The following SLC27A3 variants were observed in gnomAD, a reference collection of about 807,000 sequenced individuals.
The protein encoded by SLC27A3 is solute carrier family 27 member 3, also known as long-chain fatty acid transport protein 3.
In SLC27A3, 60 loss-of-function variants were observed where a neutral mutation model predicts 60.1. That is an observed-to-expected ratio of 1.00 (90% CI 0.81 to 1.24). The LOEUF (loss-of-function observed/expected upper bound fraction) is 1.24. Ranked by LOEUF, SLC27A3 falls within the 50% of genes most tolerant of loss-of-function variation. SLC27A3 has a pLI of 0.00. For synonymous variants in SLC27A3, 455 were observed against 409.0 expected (o/e 1.11, Z -1.36); for missense variants, 1,079 against 929.9 (o/e 1.16, Z -2.09).
chr1:153,776,977 T>C, intron 2 of SLC27A3, 85 bp from the exon 3 acceptor site: 1 of 1,465,956 alleles, frequency 6.8e-7, no homozygotes, highest in Non-Finnish European at 9.4e-7. Flanking sequence ...CCTCTTTCTG[T>C]GGGAAACCCA....
In SLC27A3 at chr1:153,775,868, A is replaced by G; in HGVS notation, c.371A>G (p.Glu124Gly). 6.7e-7 allele frequency: 1 copy of G among 1,492,934 alleles called. No homozygotes were observed. Among genetic ancestry groups the G allele is most frequent in the Non-Finnish European group, 8.9e-7 (1 of 1,127,134 alleles). The allele number at this position is 1,492,934 out of a possible 1,614,324, so 92.5% of individuals were successfully genotyped here. ...DWGPDGGDSG[E>G]GSAGEGERAA... ...GGACCCGACGGCGGCGACAGCGGCG[A>G]GGGGAGCGCTGGAGAAGGCGAGCGG... is the stretch of plus-strand genomic sequence containing the variant. The change falls in exon 1 of 10, where the codon GAG (glutamate) becomes GGG (glycine). Residue 124 changes from glutamate (E) to glycine (G), a missense_variant. Transcript: ENST00000624995.
In SLC27A3 at chr1:153,778,267, A is replaced by T. The variant is rs766668912; in HGVS notation, c.1268A>T (p.Glu423Val). The stretch of plus-strand genomic sequence containing the variant: ...CGCTTCGGGCCCCTGCAGGTGCTGG[A>T]GACATATGGACTGACAGAGGGCAAC... ...VRRFGPLQVLETYGLTEGNVA... is the reference protein window; with the variant it reads ...VRRFGPLQVLVTYGLTEGNVA... Residue 423 changes from glutamate (E) to valine (V), a missense_variant, in exon 5 of 10, where the codon GAG becomes GTG. By Grantham distance (121) the Glu-to-Val change is moderately radical. Transcript: ENST00000624995. 1.2e-6 allele frequency: 2 copies of T among 1,614,172 alleles called. No individual in the cohort carries two copies. The highest frequency in any genetic ancestry group is 4.5e-5 in the East Asian group (2 of 44,882).
rs2101845122 is a variant in SLC27A3, at chr1:153,777,069, C to T, written c.885C>T (p.Pro295=). 2 of 1,614,226 alleles carry T rather than the reference C, an allele frequency of 1.2e-6. No homozygotes were observed. Among genetic ancestry groups the T allele is most frequent in the East Asian group, 4.5e-5 (2 of 44,888 alleles). The change falls in exon 3 of 10, where the codon CCC becomes CCT. Residue 295 remains proline, a synonymous_variant. Transcript: ENST00000624995. ...ATAACTGCCACCCCACAGGCCTCCC[C>T]AAGGCTGCTCGGATCAGTCATCTGA... ...YIFTSGTTGL[P]KAARISHLKI... is the part of the protein sequence containing the mutation.
At chr1:153,778,981 G>T (rs1453847412) in intron 7 of SLC27A3, 96 bp downstream of exon 7, 2 of 1,465,820 alleles carry the variant, frequency 1.4e-6, no homozygotes, top group Non-Finnish European at 1.9e-6. Flanking sequence ...CTCAACCTGG[G>T]TCCTAAGCTA....
At position 153,775,418 on chromosome 1, in the gene SLC27A3, C is replaced by T. The variant is rs775008853; in HGVS notation, c.-80C>T. The T allele has an allele frequency of 8.7e-6, 14 of 1,611,578 alleles. No homozygotes were observed. Among genetic ancestry groups the T allele is most frequent in the Admixed American group, 1.7e-5 (1 of 60,012 alleles). Reference sequence around the variant, plus strand: ...GAGAAGTCTCAGCTAGAACGAGCGGCCCTAGGTTTTCGGAAGGGAGGATCA... The same window carrying T: ...GAGAAGTCTCAGCTAGAACGAGCGGTCCTAGGTTTTCGGAAGGGAGGATCA... On this transcript the variant is annotated 5_prime_UTR_variant, in exon 1 of 10. Transcript: ENST00000624995.
chr1:153,778,574 G>T, intron 6 of SLC27A3, 21 bp downstream of exon 6: 1 of 1,612,330 alleles, frequency 6.2e-7, no homozygotes, highest in Non-Finnish European at 8.5e-7. Context: ...TTCTGGTGGG[G>T]TGGGCGGGGT....
rs148055664 is a variant in SLC27A3 at position 153,779,441 on chromosome 1, C to T, written c.1843C>T (p.Pro615Ser). 136 of 1,613,934 alleles carry T rather than the reference C, an allele frequency of 8.4e-5. No individual in the cohort carries two copies. The African/African-American group carries it at 1.7e-3, about 20-fold the overall frequency. The change falls in exon 9 of 10, where the codon CCT becomes TCT. Residue 615 changes from proline to serine, a missense_variant. By Grantham distance (74) the Pro-to-Ser change is moderately conservative. Coordinates refer to ENST00000624995, the MANE Select transcript of SLC27A3 (RefSeq NM_024330.4). ...LYTHVSENLPPYARPRFLRLQ... is the reference protein window; with the variant it reads ...LYTHVSENLPSYARPRFLRLQ... ...CACCCACGTGTCTGAGAACTTGCCA[C>T]CTTATGCCCGGCCCCGATTCCTCAG...
intron 1 of SLC27A3, 155 bp from the exon 2 acceptor site, chr1:153,776,363 A>G: frequency 1.5e-6 from 2 of 1,331,418 alleles, no homozygotes; most frequent in Non-Finnish European, 2.0e-6. Context: ...AGGATCCCCA[A>G]GGAGTCGAGT....
rs141285059 is a variant in SLC27A3 at position 153,776,549 on chromosome 1, C to T, written c.699C>T (p.Pro233=). 90 of 1,614,142 alleles carry T rather than the reference C, an allele frequency of 5.6e-5. No homozygotes were observed. The African/African-American group carries it at 1.0e-3, about 18-fold the overall frequency. ...EFLESLEPDL[P]ALRAMGLHLW... Reference sequence around the variant, plus strand: ...TGGAGTCCCTGGAGCCGGACCTGCCCGCCCTGAGAGCCATGGGGCTCCACC... The same window carrying T: ...TGGAGTCCCTGGAGCCGGACCTGCCTGCCCTGAGAGCCATGGGGCTCCACC... Residue 233 remains proline, a synonymous_variant, in exon 2 of 10, where the codon CCC becomes CCT. Transcript: ENST00000624995.
Position 153,776,510 on chromosome 1 carries a change from C to G in SLC27A3, c.668-8C>G. ...GGGCCCCGGCGTTGTGCTTTCCCAC[C>G]CTTCTAGAGTTTCTGGAGTCCCTGG... On this transcript the variant is annotated splice_polypyrimidine_tract_variant and splice_region_variant and intron_variant, in intron 1 of 9. Coordinates refer to ENST00000624995, the MANE Select transcript of SLC27A3 (RefSeq NM_024330.4). 2.5e-6 allele frequency: 4 copies of G among 1,611,390 alleles called. No homozygotes were observed. The highest frequency in any genetic ancestry group is 3.4e-6 in the Non-Finnish European group (4 of 1,178,962).
At position 153,776,121 on chromosome 1, in the gene SLC27A3, C is replaced by T. The variant is rs1463060549; in HGVS notation, c.624C>T (p.His208=). ...CCCTGCGCCGGGGCCCCCTGCTGCA[C>T]TGCCTCCGCAGCTGCGGCGCGCGCG... ...PTALRRGPLL[H]CLRSCGARAL... Residue 208 remains histidine, a synonymous_variant, in exon 1 of 10, where the codon CAC becomes CAT. Transcript: ENST00000624995. The T allele has an allele frequency of 2.7e-6, 4 of 1,462,882 alleles. No individual in the cohort carries two copies. Among genetic ancestry groups the T allele is most frequent in the Non-Finnish European group, 2.7e-6 (3 of 1,121,454 alleles). The allele number at this position is 1,462,882 out of a possible 1,614,324, so 90.6% of individuals were successfully genotyped here. A position where few individuals can be genotyped will look rare whatever the true frequency, so the allele number is the denominator to read the frequency against.
At chr1:153,778,111 G>A (rs980111441) in intron 4 of SLC27A3, 50 bp from the exon 5 acceptor site, 9 of 1,562,658 alleles carry the variant, frequency 5.8e-6, no homozygotes, top group African/African-American at 1.4e-5. Flanking sequence ...TCACTTCCGG[G>A]AGCGGGCATC....
chr1:153,780,068 G>A lies in SLC27A3; in HGVS notation c.*66G>A, dbSNP rs1673463423. The A allele has an allele frequency of 2.1e-6, 3 of 1,418,496 alleles. No homozygotes were observed. Among genetic ancestry groups the A allele is most frequent in the South Asian group, 2.5e-5 (2 of 78,902 alleles). 87.9% of individuals were successfully genotyped at this position (1,418,496 alleles called of 1,614,324 possible). A position where few individuals can be genotyped will look rare whatever the true frequency, so the allele number is the denominator to read the frequency against. Reference sequence around the variant, plus strand: ...GGGTGGGGGCCGTTGCAGGTGTACTGGGCTGTCAGGGATCTTTTCTATACC... The same window carrying A: ...GGGTGGGGGCCGTTGCAGGTGTACTAGGCTGTCAGGGATCTTTTCTATACC... On this transcript the variant is annotated 3_prime_UTR_variant, in exon 10 of 10. Coordinates refer to ENST00000624995, the MANE Select transcript of SLC27A3 (RefSeq NM_024330.4).
chr1:153,779,677 C>T (rs1337732952), intron 9 of SLC27A3, 149 bp from the exon 10 acceptor site: 2 of 707,662 alleles, frequency 2.8e-6, no homozygotes, highest in Admixed American at 6.4e-5. Context: ...TCTGGCCTGG[C>T]TCTTTCTCCT....
In SLC27A3 at chr1:153,776,013, G is replaced by A. The variant is rs1365981220; in HGVS notation, c.516G>A (p.Leu172=). Residue 172 remains leucine, a synonymous_variant, in exon 1 of 10, where the codon CTG becomes CTA. Transcript: ENST00000624995. ...APLSPGATVA[L]LLPAGPEFLW... ...TGTCACCTGGAGCAACTGTGGCGCT[G>A]CTCCTCCCCGCTGGCCCAGAGTTTC... 3 of 1,451,612 alleles carry A rather than the reference G, an allele frequency of 2.1e-6. No homozygotes were observed. The East Asian group carries it at 8.0e-5, about 39-fold the overall frequency. The allele number at this position is 1,451,612 out of a possible 1,614,324, so 89.9% of individuals were successfully genotyped here. A position where few individuals can be genotyped will look rare whatever the true frequency, so the allele number is the denominator to read the frequency against.
At chr1:153,778,105 T>C in intron 4 of SLC27A3, 56 bp from the exon 5 acceptor site, 1 of 1,557,286 alleles carries the variant, frequency 6.4e-7, no homozygotes, top group Non-Finnish European at 8.7e-7. Flanking sequence ...AGGAATTCAC[T>C]TCCGGGAGCG....
chr1:153,776,557 G>A lies in SLC27A3; in HGVS notation c.707G>A (p.Arg236Lys), dbSNP rs1050445494. 1.5e-5 allele frequency: 24 copies of A among 1,614,032 alleles called. No homozygotes were observed. Among genetic ancestry groups the A allele is most frequent in the Middle Eastern group, 1.6e-4 (1 of 6,082 alleles). ...ESLEPDLPAL[R>K]AMGLHLWAAG... The stretch of plus-strand genomic sequence containing the variant: ...CTGGAGCCGGACCTGCCCGCCCTGA[G>A]AGCCATGGGGCTCCACCTGTGGGCT... The change falls in exon 2 of 10, where the codon AGA becomes AAA. Residue 236 changes from arginine to lysine, a missense_variant. Transcript: ENST00000624995.
intron 2 of SLC27A3, among the ~76,000 whole-genome samples, 153 bp downstream of exon 2, chr1:153,776,880 A>G (rs778751349): frequency 2.7e-5 from 4 of 150,594 alleles, no homozygotes; most frequent in Admixed American, 6.6e-5. Context: ...CAGTCTCCTC[A>G]CCTCCTACTC....
At position 153,776,115 on chromosome 1, in the gene SLC27A3, G is replaced by A. The variant is rs368497641; in HGVS notation, c.618G>A (p.Leu206=). The A allele has an allele frequency of 1.1e-5, 16 of 1,470,924 alleles. No individual in the cohort carries two copies. The South Asian group carries it at 1.8e-4, about 16-fold the overall frequency. The allele number at this position is 1,470,924 out of a possible 1,614,324, so 91.1% of individuals were successfully genotyped here. A position where few individuals can be genotyped will look rare whatever the true frequency, so the allele number is the denominator to read the frequency against. Residue 206 remains leucine, a synonymous_variant, in exon 1 of 10, where the codon CTG becomes CTA. Transcript: ENST00000624995. ...FVPTALRRGP[L]LHCLRSCGAR... The stretch of plus-strand genomic sequence containing the variant: ...CCACCGCCCTGCGCCGGGGCCCCCT[G>A]CTGCACTGCCTCCGCAGCTGCGGCG...
Sources: gnomAD v4.1 joint callset for allele counts (sites outside exome capture counted in the v4.1 genomes callset) on GRCh38, gnomAD v4.1.1 for gene constraint, MANE v1.5 for transcripts, NCBI Gene and HGNC (gene_info 2026-07-23, HGNC 2026-07-21) for gene names.